PRDM5: variants seen among roughly 807,000 people sequenced by gnomAD.
PRDM5 encodes PR domain zinc finger protein 5.
A neutral mutation model predicts 81.2 loss-of-function variants in PRDM5; 56 were observed. The observed-to-expected ratio is 0.69, with a 90% CI of 0.56 to 0.86. The LOEUF is 0.86. Among genes scored for constraint, PRDM5 ranks in the 40% least tolerant of loss-of-function variants. The pLI, the probability that PRDM5 is intolerant of heterozygous loss-of-function variation, is 0.00. For synonymous variants in PRDM5, 267 were observed against 256.4 expected (o/e 1.04, Z -0.39); for missense variants, 697 against 770.1 (o/e 0.91, Z 1.12).
At chr4:120,816,327 G>A (rs753936958) in intron 7 of PRDM5, 126 bp downstream of exon 7, 15 of 1,490,308 alleles carry the variant, frequency 1.0e-5, no homozygotes, top group Non-Finnish European at 1.3e-5. Context: ...CACTGCCAGC[G>A]CTCCACATCT....
At chr4:120,724,609 T>C (rs540200860) in intron 14 of PRDM5, among the ~76,000 whole-genome samples, 13 of 152,292 alleles carry the variant, frequency 8.5e-5, no homozygotes, top group African/African-American at 3.1e-4. Flanking sequence ...TATGTGATGG[T>C]GGCAAGTGTA....
intron 14 of PRDM5, among the ~76,000 whole-genome samples, chr4:120,728,889 T>C (rs1739839491): frequency 6.6e-6 from 1 of 152,354 alleles, no homozygotes; most frequent in South Asian, 2.1e-4. Flanking sequence ...TAAAGAAATG[T>C]AATTTACAAT....
intron 8 of PRDM5, chr4:120,810,468 A>C (rs1753679502): frequency 6.6e-6 from 1 of 152,170 alleles, no homozygotes; most frequent in Non-Finnish European, 1.5e-5. Context: ...AAGTAATCTC[A>C]GTGCTCATTT....
chr4:120,878,839 C>T (rs769178016), intron 2 of PRDM5, among the ~76,000 whole-genome samples: 3 of 152,044 alleles, frequency 2.0e-5, no homozygotes, highest in Non-Finnish European at 4.4e-5. Flanking sequence ...CAAAGAAATA[C>T]CACTACACAT....
chr4:120,801,426 T>C (rs1377136956), intron 8 of PRDM5, among the ~76,000 whole-genome samples: 1 of 152,218 alleles, frequency 6.6e-6, no homozygotes, highest in Admixed American at 6.5e-5. Context: ...CTTAATTCAA[T>C]GCCCAAGCAC....
intron 14 of PRDM5, among the ~76,000 whole-genome samples, chr4:120,738,142 A>G (rs993079327): frequency 5.9e-5 from 9 of 152,252 alleles, no homozygotes; most frequent in Admixed American, 5.9e-4. Context: ...CAAATAGGGA[A>G]CGTCCCAACC....
intron 14 of PRDM5, among the ~76,000 whole-genome samples, chr4:120,718,862 G>A (rs1315214408): frequency 6.6e-6 from 1 of 152,134 alleles, no homozygotes; most frequent in East Asian, 1.9e-4. Flanking sequence ...AAAAAGGCTT[G>A]TGTTATATTT....
At chr4:120,835,320 C>T (rs1011675548) in intron 3 of PRDM5, among the ~76,000 whole-genome samples, 3 of 152,158 alleles carry the variant, frequency 2.0e-5, no homozygotes, top group African/African-American at 7.2e-5. Context: ...GTCTAGAGTT[C>T]AAATAGGAGA....
chr4:120,853,501 C>T lies in PRDM5; in HGVS notation c.217G>A (p.Ala73Thr), dbSNP rs1759524877. The T allele has an allele frequency of 9.3e-6, 15 of 1,613,750 alleles. No individual in the cohort carries two copies. Among genetic ancestry groups the T allele is most frequent in the Non-Finnish European group, 1.3e-5 (15 of 1,179,750 alleles). The change falls in exon 3 of 16, where the codon GCT becomes ACT. Residue 73 changes from alanine to threonine, a missense_variant. Ala to Thr is a moderately conservative substitution (Grantham distance 58). Transcript: ENST00000264808. ...SKGEVLYILD[A>T]TNPRHSNWLR... ...CAGTTGGAGTGCCGTGGGTTGGTAGCATCCAAAATGTACAAAACTTCTCCC... is the reference window on the plus strand; with the variant it reads ...CAGTTGGAGTGCCGTGGGTTGGTAGTATCCAAAATGTACAAAACTTCTCCC...
intron 14 of PRDM5, among the ~76,000 whole-genome samples, chr4:120,737,163 T>C (rs2149098599): frequency 6.6e-6 from 1 of 152,242 alleles, no homozygotes; most frequent in African/African-American, 2.4e-5. Context: ...TCTGGCTTCC[T>C]TCTGTGGCAA....
At chr4:120,811,584 ATTAAAC>A (rs920533194) in intron 7 of PRDM5, 135 bp from the exon 8 acceptor site, 3 of 531,940 alleles carry the variant, frequency 5.6e-6, no homozygotes, top group South Asian at 6.4e-5. Context: ...AGATATATTC[ATTAAAC>A]TTAAAGAGTA....
At chr4:120,822,950 CTT>C (rs1353384849) in intron 3 of PRDM5, among the ~76,000 whole-genome samples, 1 of 152,078 alleles carries the variant, frequency 6.6e-6, no homozygotes, top group Non-Finnish European at 1.5e-5. Flanking sequence ...ACTGAATTAA[CTT>C]ATATACTATT....
intron 14 of PRDM5, among the ~76,000 whole-genome samples, chr4:120,744,520 T>C (rs995938681): frequency 1.3e-5 from 2 of 151,280 alleles, no homozygotes; most frequent in Admixed American, 6.6e-5. Flanking sequence ...TCAACAAAAT[T>C]GATAGACCGC....
Position 120,745,969 on chromosome 4 carries a change from T to C in PRDM5, c.1623+8584A>G, listed in dbSNP as rs1430198059. ...TATGGAACCAAAAAAGAGCCCGCAT[T>C]TCCAAGTCAATCCTAAGCCAAAAGA... On this transcript the variant is annotated intron_variant, in intron 14 of 15. Coordinates refer to ENST00000264808, the MANE Select transcript of PRDM5 (RefSeq NM_018699.4). Among the ~76,000 whole-genome samples the C allele has an allele frequency of 8.6e-5, 13 of 150,698 alleles. No individual in the cohort carries two copies. In the East Asian group the frequency reaches 2.3e-3, roughly 27 times the overall value.
chr4:120,742,664 G>T (rs542547403), intron 14 of PRDM5, among the ~76,000 whole-genome samples: 1 of 152,206 alleles, frequency 6.6e-6, no homozygotes. Context: ...CGATCAACTG[G>T]AAGAAAGGGT....
chr4:120,811,490 T>C, intron 7 of PRDM5, 41 bp from the exon 8 acceptor site: 1 of 1,287,676 alleles, frequency 7.8e-7, no homozygotes, highest in South Asian at 1.3e-5. Flanking sequence ...TAAATGAGAC[T>C]ATTAAGAGGA....
Position 120,896,425 on chromosome 4 carries a change from T to C in PRDM5, c.177+11049A>G, listed in dbSNP as rs566071615. ...TTAATATCTTTAAATTCTGTCACTT[T>C]CATTCTAAAGAGATAGCACAGCATC... On this transcript the variant is annotated intron_variant, in intron 2 of 15. Coordinates refer to ENST00000264808, the MANE Select transcript of PRDM5 (RefSeq NM_018699.4). 5.3e-5 allele frequency: 8 copies of C among 152,262 alleles called. No homozygotes were observed. The East Asian group carries it at 1.5e-3, about 29-fold the overall frequency. The allele number at this position is 152,262 out of a possible 1,614,324, so 9.4% of individuals were successfully genotyped here.
At chr4:120,897,204 G>C (rs1310358711) in intron 2 of PRDM5, 2 of 152,098 alleles carry the variant, frequency 1.3e-5, no homozygotes, top group Non-Finnish European at 2.9e-5. Flanking sequence ...ATTTGGAAGA[G>C]ATGGGAAGAA....
chr4:120,740,417 C>G (rs1317892034), intron 14 of PRDM5, among the ~76,000 whole-genome samples: 1 of 152,134 alleles, frequency 6.6e-6, no homozygotes, highest in African/African-American at 2.4e-5. Context: ...GGCACTTAAC[C>G]CAGATAATTG....
Sources: gnomAD v4.1 joint callset for allele counts (sites outside exome capture counted in the v4.1 genomes callset) on GRCh38, gnomAD v4.1.1 for gene constraint, MANE v1.5 for transcripts, NCBI Gene and HGNC (gene_info 2026-07-23, HGNC 2026-07-21) for gene names.